The following VLDLR variants were observed in gnomAD, a reference collection of about 807,000 sequenced individuals.
VLDLR encodes very low density lipoprotein receptor.
VLDLR carries 81 observed loss-of-function variants against 112.7 expected under a neutral mutation model. That is an observed-to-expected ratio of 0.72 (90% CI 0.60 to 0.86). The LOEUF (loss-of-function observed/expected upper bound fraction) is 0.86, where lower values mean the gene tolerates loss of function less well. Among genes scored for constraint, VLDLR ranks in the 40% least tolerant of loss-of-function variants. The pLI is 0.00. For missense variants in VLDLR, 1,237 were observed against 1,099.4 expected (o/e 1.13, Z -1.77); for synonymous variants, 436 against 384.8 (o/e 1.13, Z -1.56).
rs949693939 is a variant in VLDLR, at chr9:2,622,258, C to T, written c.69C>T (p.Gly23=). The part of the protein sequence containing the change: ...LALCWAPRES[G]ATGTGRKAKC... Reference sequence around the variant, plus strand: ...TGTGCTGGGCGCCCCGGGAGAGCGGCGCCACCGGAACCGGTGAGTGAGGAC... The same window carrying T: ...TGTGCTGGGCGCCCCGGGAGAGCGGTGCCACCGGAACCGGTGAGTGAGGAC... The change falls in exon 1 of 19, where the codon GGC becomes GGT. Residue 23 remains glycine (G), a synonymous_variant. Coordinates refer to ENST00000382100, the MANE Select transcript of VLDLR (RefSeq NM_003383.5). The T allele has an allele frequency of 2.0e-6, 3 of 1,491,286 alleles. No individual in the cohort carries two copies. Among genetic ancestry groups the T allele is most frequent in the Non-Finnish European group, 2.7e-6 (3 of 1,127,150 alleles). 92.4% of individuals were successfully genotyped at this position (1,491,286 alleles called of 1,614,324 possible). A position where few individuals can be genotyped will look rare whatever the true frequency, so the allele number is the denominator to read the frequency against.
At chr9:2,624,562 T>C (rs1483642201) in intron 1 of VLDLR, among the ~76,000 whole-genome samples, 1 of 152,230 alleles carries the variant, frequency 6.6e-6, no homozygotes, top group Non-Finnish European at 1.5e-5. Context: ...GTATGATATA[T>C]TCTTTAAGGC....
chr9:2,643,806 T>C, intron 6 of VLDLR, 31 bp from the exon 7 acceptor site: 1 of 1,614,204 alleles, frequency 6.2e-7, no homozygotes, highest in Non-Finnish European at 8.5e-7. Context: ...GACCCACTCA[T>C]GGAATCTCTC....
At chr9:2,649,181 G>A (rs1818202042) in intron 14 of VLDLR, among the ~76,000 whole-genome samples, 10 of 152,118 alleles carry the variant, frequency 6.6e-5, no homozygotes, top group African/African-American at 2.2e-4. Flanking sequence ...AAGTACCACA[G>A]ACTATCTTAA....
chr9:2,623,830 G>A (rs1315109058), intron 1 of VLDLR, among the ~76,000 whole-genome samples: 1 of 152,174 alleles, frequency 6.6e-6, no homozygotes, highest in Non-Finnish European at 1.5e-5. Context: ...GGAATCTGAT[G>A]TGTAACAAGC....
chr9:2,651,926 T>G lies in VLDLR; in HGVS notation c.2388T>G (p.Thr796=). 1.9e-6 allele frequency: 3 copies of G among 1,614,138 alleles called. No homozygotes were observed. Among genetic ancestry groups the G allele is most frequent in the Non-Finnish European group, 1.7e-6 (2 of 1,179,974 alleles). ...AGGTCAGTGTTCCCCCAAAAGGGAC[T>G]TCTGCCGCATGGGCCATTCTTCCTC... ...VSEVSVPPKG[T]SAAWAILPLL... is the part of the protein sequence containing the mutation. The change falls in exon 17 of 19, where the codon ACT becomes ACG. Residue 796 remains threonine, a synonymous_variant. Transcript: ENST00000382100.
rs1251076652 is a variant in VLDLR, at chr9:2,650,425, G to T, written c.2160G>T (p.Leu720=). ...ATGGAGGATGTGAATACCTATGCCT[G>T]CCAGCACCACAGATTAATGATCACT... is the stretch of plus-strand genomic sequence containing the variant. The part of the protein sequence containing the change: ...MENGGCEYLC[L]PAPQINDHSP... Residue 720 remains leucine (L), a synonymous_variant, in exon 15 of 19, where the codon CTG becomes CTT. Transcript: ENST00000382100. 2 of 1,613,992 alleles carry T rather than the reference G, an allele frequency of 1.2e-6. No individual in the cohort carries two copies. The highest frequency in any genetic ancestry group is 2.7e-5 in the African/African-American group (2 of 74,902).
Position 2,626,023 on chromosome 9 carries a change from C to CA in VLDLR, c.82+3757dup, listed in dbSNP as rs551668990. ...GCTAAGTTCGTCTATTGGCTTGCAA[C>CA]AAAAACTCTAAACACTGTTAATACC... On this transcript the variant is annotated intron_variant, in intron 1 of 18. Coordinates refer to ENST00000382100, the MANE Select transcript of VLDLR (RefSeq NM_003383.5). Among the ~76,000 whole-genome samples the CA allele has an allele frequency of 5.9e-5, 9 of 152,338 alleles. No individual in the cohort carries two copies. In the South Asian group the frequency reaches 1.7e-3, roughly 28 times the overall value.
chr9:2,650,768 CACTGAGCTAGCCA>C (rs1346853141), intron 15 of VLDLR, among the ~76,000 whole-genome samples: 2 of 152,136 alleles, frequency 1.3e-5, no homozygotes, highest in Non-Finnish European at 1.5e-5. Flanking sequence ...CCCTTAACAG[CACTGAGCTAGCCA>C]ACTTGCAGGT....
rs1818006925 is a variant in VLDLR at position 2,645,030 on chromosome 9, A to G, written c.1260A>G (p.Glu420=). 1.2e-6 allele frequency: 2 copies of G among 1,614,118 alleles called. No individual in the cohort carries two copies. The highest frequency in any genetic ancestry group is 1.3e-5 in the African/African-American group (1 of 74,942). The change falls in exon 9 of 19, where the codon GAA becomes GAG. Residue 420 remains glutamate (E), a synonymous_variant. Coordinates refer to ENST00000382100, the MANE Select transcript of VLDLR (RefSeq NM_003383.5). ...CINLKGGYKC[E]CSRGYQMDLA... ...ACTTAAAAGGCGGTTACAAGTGTGAATGTAGTCGTGGCTATCAAATGGATC... is the reference window on the plus strand; with the variant it reads ...ACTTAAAAGGCGGTTACAAGTGTGAGTGTAGTCGTGGCTATCAAATGGATC...
chr9:2,641,106 G>A (rs1362383403), intron 3 of VLDLR, among the ~76,000 whole-genome samples: 1 of 152,196 alleles, frequency 6.6e-6, no homozygotes, highest in Non-Finnish European at 1.5e-5. Context: ...ACCACGCCAA[G>A]TAAAACAAAA....
chr9:2,623,843 G>C (rs866365526), intron 1 of VLDLR, among the ~76,000 whole-genome samples: 4 of 152,208 alleles, frequency 2.6e-5, no homozygotes, highest in Admixed American at 1.3e-4. Context: ...TAACAAGCCT[G>C]AGAGCCTAGA....
intron 1 of VLDLR, among the ~76,000 whole-genome samples, chr9:2,633,536 T>A (rs1434541047): frequency 2.0e-5 from 3 of 152,146 alleles, no homozygotes; most frequent in African/African-American, 7.2e-5. Context: ...GATTACAAGG[T>A]TTCCATTTTG....
rs1196648356 is a variant in VLDLR at position 2,648,941 on chromosome 9, C to T, written c.2104+131C>T. ...GGAACTTTTGCCCTCCTGTACCCTA[C>T]CTTAAACATTTCACATGTTATTTTT... On this transcript the variant is annotated intron_variant, in intron 14 of 18. Coordinates refer to ENST00000382100, the MANE Select transcript of VLDLR (RefSeq NM_003383.5). The T allele has an allele frequency of 4.5e-6, 5 of 1,109,956 alleles. No individual in the cohort carries two copies. The East Asian group carries it at 1.0e-4, about 23-fold the overall frequency. The allele number at this position is 1,109,956 out of a possible 1,614,324, so 68.8% of individuals were successfully genotyped here.
Position 2,651,426 on chromosome 9 carries a change from A to T in VLDLR, c.2263A>T (p.Thr755Ser). The part of the protein sequence containing the change: ...NGRDCQSTAT[T>S]VTYSETKDTN... The stretch of plus-strand genomic sequence containing the variant: ...TTTTTATAATTCAGGTACTGCAACT[A>T]CTGTGACTTACAGTGAGACAAAAGA... Residue 755 changes from threonine to serine, a missense_variant, in exon 16 of 19, where the codon ACT becomes TCT. Physicochemically the swap from Thr to Ser is moderately conservative, Grantham distance 58. Transcript: ENST00000382100. The T allele has an allele frequency of 6.2e-7, 1 of 1,613,870 alleles. No homozygotes were observed. Among genetic ancestry groups the T allele is most frequent in the Non-Finnish European group, 8.5e-7 (1 of 1,179,842 alleles).
At chr9:2,647,909 A>G in intron 12 of VLDLR, 1 of 568,044 alleles carries the variant, frequency 1.8e-6, no homozygotes, top group Non-Finnish European at 3.1e-6. Flanking sequence ...GGCTTTTAAC[A>G]GTTTTCTTCT....
intron 3 of VLDLR, among the ~76,000 whole-genome samples, chr9:2,640,205 A>G (rs917869729): frequency 1.3e-5 from 2 of 152,194 alleles, no homozygotes; most frequent in Non-Finnish European, 2.9e-5. Context: ...TAGCTTCACT[A>G]TTGAATACTT....
intron 14 of VLDLR, among the ~76,000 whole-genome samples, chr9:2,649,345 C>T (rs1329356932): frequency 2.0e-5 from 3 of 152,142 alleles, no homozygotes; most frequent in Non-Finnish European, 4.4e-5. Context: ...TGTCTCTTCA[C>T]ATCATCGTCC....
Position 2,622,119 on chromosome 9 carries a change from G to A in VLDLR, c.-71G>A. ...CCCCACCTTCTTCCTCCTTTCGGAA[G>A]GACTGGTAACTTGTCGTGCGGAGCG... On this transcript the variant is annotated 5_prime_UTR_variant, in exon 1 of 19. Coordinates refer to ENST00000382100, the MANE Select transcript of VLDLR (RefSeq NM_003383.5). 1 of 1,398,922 alleles carries A rather than the reference G, an allele frequency of 7.1e-7. No homozygotes were observed. Among genetic ancestry groups the A allele is most frequent in the Non-Finnish European group, 9.5e-7 (1 of 1,057,968 alleles). 86.7% of individuals were successfully genotyped at this position (1,398,922 alleles called of 1,614,324 possible). A position where few individuals can be genotyped will look rare whatever the true frequency, so the allele number is the denominator to read the frequency against.
At position 2,643,322 on chromosome 9, in the gene VLDLR, C is replaced by T. The variant is rs2130791427; in HGVS notation, c.611C>T (p.Ser204Phe). The T allele has an allele frequency of 1.9e-6, 3 of 1,614,136 alleles. No homozygotes were observed. The highest frequency in any genetic ancestry group is 1.7e-6 in the Non-Finnish European group (2 of 1,179,984). ...CATGAGTTCCAGTGCAGCACCTCCT[C>T]CTGCATCCCCATCAGCTGGGTATGC... ...GAHEFQCSTS[S>F]CIPISWVCDD... is the part of the protein sequence containing the mutation. Residue 204 changes from serine to phenylalanine, a missense_variant, in exon 5 of 19, where the codon TCC (serine) becomes TTC (phenylalanine). Ser to Phe is a radical substitution (Grantham distance 155). Coordinates refer to ENST00000382100, the MANE Select transcript of VLDLR (RefSeq NM_003383.5).
Sources: gnomAD v4.1 joint callset for allele counts (sites outside exome capture counted in the v4.1 genomes callset) on GRCh38, gnomAD v4.1.1 for gene constraint, MANE v1.5 for transcripts, NCBI Gene and HGNC (gene_info 2026-07-23, HGNC 2026-07-21) for gene names.